The following PTPRD variants were observed in gnomAD, a reference collection of about 807,000 sequenced individuals.
The protein encoded by PTPRD is protein tyrosine phosphatase receptor type D.
Under a neutral mutation model 214.5 loss-of-function variants are expected in PTPRD, and 34 were observed. The ratio of observed to expected loss-of-function variants is 0.16; its 90% confidence interval spans 0.12 to 0.21. PTPRD has a LOEUF of 0.21. Ranked by LOEUF, PTPRD falls within the 10% of genes least tolerant of loss-of-function variation. The pLI is 1.00. For missense variants in PTPRD, 2,545 were observed against 2,398.7 expected (o/e 1.06, Z -1.27); for synonymous variants, 1,128 against 845.7 (o/e 1.33, Z -5.79).
At chr9:8,784,973 G>C (rs1473789281) in intron 11 of PTPRD, among the ~76,000 whole-genome samples, 1 of 152,050 alleles carries the variant, frequency 6.6e-6, no homozygotes, top group South Asian at 2.1e-4. Flanking sequence ...CAGGGACTCC[G>C]AGAGCACCAT....
At chr9:8,798,750 G>C (rs956572450) in intron 11 of PTPRD, among the ~76,000 whole-genome samples, 1 of 152,134 alleles carries the variant, frequency 6.6e-6, no homozygotes, top group Non-Finnish European at 1.5e-5. Context: ...CATTTAATCT[G>C]CAATATTGGC....
intron 14 of PTPRD, among the ~76,000 whole-genome samples, chr9:8,626,200 AAAGCCAACC>A (rs1564807964): frequency 6.6e-6 from 1 of 151,910 alleles, no homozygotes; most frequent in Admixed American, 6.6e-5. Flanking sequence ...TTTATCAATG[AAAGCCAACC>A]AACTACCTAG....
At chr9:8,807,717 T>C (rs1480319515) in intron 11 of PTPRD, among the ~76,000 whole-genome samples, 3 of 152,130 alleles carry the variant, frequency 2.0e-5, no homozygotes, top group Non-Finnish European at 4.4e-5. Flanking sequence ...AAAACGTCTT[T>C]CATGGTTATT....
chr9:9,759,505 A>C (rs1266166098), intron 6 of PTPRD, among the ~76,000 whole-genome samples: 1 of 151,286 alleles, frequency 6.6e-6, no homozygotes, highest in East Asian at 1.9e-4. Context: ...TCAGTCTGTA[A>C]TGTAGAATTC....
chr9:10,008,017 C>T (rs1488502798), intron 4 of PTPRD, among the ~76,000 whole-genome samples: 1 of 151,932 alleles, frequency 6.6e-6, no homozygotes, highest in African/African-American at 2.4e-5. Flanking sequence ...AAGTAATAAA[C>T]CAGCTATAAT....
intron 2 of PTPRD, among the ~76,000 whole-genome samples, chr9:10,604,017 G>A (rs1334585384): frequency 6.6e-6 from 1 of 151,632 alleles, no homozygotes; most frequent in Non-Finnish European, 1.5e-5. Context: ...TGTTCATAAG[G>A]CCAACATAGT....
chr9:9,888,001 C>A (rs957362799), intron 5 of PTPRD, among the ~76,000 whole-genome samples: 1 of 152,048 alleles, frequency 6.6e-6, no homozygotes, highest in East Asian at 1.9e-4. Context: ...TGACACCTGA[C>A]GAAGGGCAAG....
At chr9:10,397,803 G>C (rs1055851059) in intron 2 of PTPRD, among the ~76,000 whole-genome samples, 1 of 151,838 alleles carries the variant, frequency 6.6e-6, no homozygotes, top group African/African-American at 2.4e-5. Flanking sequence ...CTAAGAAAAT[G>C]GATTATAGGC....
At chr9:10,386,646 G>T (rs2097918513) in intron 2 of PTPRD, among the ~76,000 whole-genome samples, 1 of 85,496 alleles carries the variant, frequency 1.2e-5, no homozygotes, top group Non-Finnish European at 2.3e-5. Flanking sequence ...TAAGAACAAA[G>T]CCCAAAGACC....
intron 5 of PTPRD, among the ~76,000 whole-genome samples, chr9:9,828,583 A>T (rs957710479): frequency 6.6e-6 from 1 of 152,076 alleles, no homozygotes; most frequent in African/African-American, 2.4e-5. Context: ...GCACACCAAC[A>T]GGGCACATGT....
intron 3 of PTPRD, among the ~76,000 whole-genome samples, chr9:10,286,116 C>T (rs934802070): frequency 6.6e-6 from 1 of 152,196 alleles, no homozygotes; most frequent in Middle Eastern, 3.4e-3. Context: ...CCATACATAA[C>T]AATTATGCCT....
chr9:8,875,728 A>C (rs2098382059), intron 11 of PTPRD, among the ~76,000 whole-genome samples: 1 of 152,186 alleles, frequency 6.6e-6, no homozygotes, highest in Admixed American at 6.5e-5. Flanking sequence ...TACAATGTAT[A>C]ATATTTCATG....
intron 5 of PTPRD, among the ~76,000 whole-genome samples, chr9:9,775,184 T>C (rs868178427): frequency 6.6e-5 from 10 of 152,198 alleles, no homozygotes; most frequent in Admixed American, 2.0e-4. Context: ...TCGAATCCCA[T>C]TTTCCTGTGT....
chr9:9,883,837 T>C (rs187404583), intron 5 of PTPRD, among the ~76,000 whole-genome samples: 111 of 152,252 alleles, frequency 7.3e-4, no homozygotes, highest in Admixed American at 2.7e-3. Flanking sequence ...ACAACTGAAG[T>C]AGAACTGTAC....
chr9:8,761,353 A>G (rs1011093040), intron 11 of PTPRD, among the ~76,000 whole-genome samples: 2 of 152,258 alleles, frequency 1.3e-5, no homozygotes, highest in Non-Finnish European at 2.9e-5. Context: ...GTGATAACAT[A>G]TATTATAACT....
intron 11 of PTPRD, among the ~76,000 whole-genome samples, chr9:8,792,077 T>G (rs2096255462): frequency 6.6e-6 from 1 of 152,168 alleles, no homozygotes; most frequent in African/African-American, 2.4e-5. Context: ...GCTGAAATAG[T>G]TCGTTTTTAG....
rs377587088 is a variant in PTPRD, at chr9:8,521,294, G to A, written c.944C>T (p.Ala315Val). Residue 315 changes from alanine (A) to valine (V), a missense_variant, in exon 20 of 46, where the codon GCA becomes GTA. Physicochemically the swap from Ala to Val is moderately conservative, Grantham distance 64. Transcript: ENST00000381196. ...MSTLGVIEAI[A>V]QITVKALPKP... ...GAGCATACCTTTGACAGTGATCTGTGCTATTGCTTCAATGACACCCAGTGT... is the reference window on the plus strand; with the variant it reads ...GAGCATACCTTTGACAGTGATCTGTACTATTGCTTCAATGACACCCAGTGT... The A allele has an allele frequency of 3.7e-6, 6 of 1,613,434 alleles. No individual in the cohort carries two copies. The highest frequency in any genetic ancestry group is 5.1e-6 in the Non-Finnish European group (6 of 1,179,600).
intron 35 of PTPRD, among the ~76,000 whole-genome samples, chr9:8,410,082 T>C (rs1436284638): frequency 6.6e-6 from 1 of 152,218 alleles, no homozygotes; most frequent in African/African-American, 2.4e-5. Context: ...CCTTTTAAAA[T>C]TCTCATTCAT....
intron 5 of PTPRD, among the ~76,000 whole-genome samples, chr9:9,915,345 T>C (rs931223392): frequency 2.0e-5 from 3 of 150,138 alleles, no homozygotes; most frequent in Non-Finnish European, 4.4e-5. Flanking sequence ...AAACATGACA[T>C]CTCCAAAAAA....
Sources: gnomAD v4.1 joint callset for allele counts (sites outside exome capture counted in the v4.1 genomes callset) on GRCh38, gnomAD v4.1.1 for gene constraint, MANE v1.5 for transcripts, NCBI Gene and HGNC (gene_info 2026-07-23, HGNC 2026-07-21) for gene names.